RGS7: variants seen among roughly 807,000 people sequenced by gnomAD.
RGS7 encodes the protein regulator of G-protein signaling 7.
A neutral mutation model predicts 81.1 loss-of-function variants in RGS7; 27 were observed. That is an observed-to-expected ratio of 0.33 (90% CI 0.25 to 0.46). The LOEUF is 0.46. RGS7 is among the 20% of genes least tolerant of loss of function. The pLI is 1.00. For synonymous variants in RGS7, 208 were observed against 207.7 expected (o/e 1.00, Z -0.01); for missense variants, 396 against 607.4 (o/e 0.65, Z 3.66).
At chr1:241,005,076 A>G (rs1277862980) in intron 3 of RGS7, among the ~76,000 whole-genome samples, 1 of 152,142 alleles carries the variant, frequency 6.6e-6, no homozygotes, top group Non-Finnish European at 1.5e-5. Context: ...ACACAGACTG[A>G]GAGAGAAGGA....
chr1:240,956,912 TA>T (rs1680529998), intron 4 of RGS7, among the ~76,000 whole-genome samples: 1 of 151,850 alleles, frequency 6.6e-6, no homozygotes, highest in Admixed American at 6.6e-5. Flanking sequence ...AACCAAGTAG[TA>T]CTCCTCAAAA....
chr1:241,005,571 T>G (rs898804068), intron 3 of RGS7, among the ~76,000 whole-genome samples: 1 of 152,218 alleles, frequency 6.6e-6, no homozygotes, highest in African/African-American at 2.4e-5. Flanking sequence ...AGTCTCACAC[T>G]GTCGCCCAGG....
chr1:241,237,087 AGAAG>A (rs1419021693), intron 2 of RGS7, among the ~76,000 whole-genome samples: 1 of 152,222 alleles, frequency 6.6e-6, no homozygotes, highest in African/African-American at 2.4e-5. Context: ...TGCAAGCCAG[AGAAG>A]GAAGAAAAGA....
chr1:241,340,057 C>G (rs2082448311), intron 2 of RGS7, among the ~76,000 whole-genome samples: 1 of 152,168 alleles, frequency 6.6e-6, no homozygotes, highest in Non-Finnish European at 1.5e-5. Flanking sequence ...GTAGATAATT[C>G]TAGTTAATGA....
chr1:241,018,686 T>C (rs2059392920), intron 3 of RGS7, among the ~76,000 whole-genome samples: 1 of 151,986 alleles, frequency 6.6e-6, no homozygotes, highest in Non-Finnish European at 1.5e-5. Flanking sequence ...TCTGCATAAG[T>C]CTCATTTAGT....
At chr1:240,978,317 A>G (rs1684445745) in intron 4 of RGS7, among the ~76,000 whole-genome samples, 1 of 152,230 alleles carries the variant, frequency 6.6e-6, no homozygotes, top group African/African-American at 2.4e-5. Context: ...GTATCTATAT[A>G]TACCTAAAAT....
rs576974948 is a variant in RGS7 at position 240,975,924 on chromosome 1, T to A, written c.226+7155A>T. Among the ~76,000 whole-genome samples the A allele has an allele frequency of 7.9e-5, 12 of 151,612 alleles. 1 individual carries two copies. The highest frequency in any genetic ancestry group is 6.8e-3 in the Middle Eastern group (2 of 294). ...AGTCCTGCGTCTGTGCATTGTATAG[T>A]CCTTCCTTACAGTGGCTTTGGACTT... On this transcript the variant is annotated intron_variant, in intron 4 of 18. Transcript: ENST00000440928.
At chr1:241,179,246 C>T (rs1446205464) in intron 2 of RGS7, among the ~76,000 whole-genome samples, 2 of 152,122 alleles carry the variant, frequency 1.3e-5, no homozygotes, top group African/African-American at 2.4e-5. Context: ...AGGCATGCAC[C>T]ACCATGCCCA....
chr1:240,920,613 T>G (rs1323601618), intron 6 of RGS7: 1 of 1,077,206 alleles, frequency 9.3e-7, no homozygotes, highest in African/African-American at 1.5e-5. Flanking sequence ...AAGATTTTAA[T>G]TAGGAAACAA....
chr1:241,172,944 C>A (rs969700443), intron 2 of RGS7, among the ~76,000 whole-genome samples: 1 of 152,056 alleles, frequency 6.6e-6, no homozygotes, highest in Non-Finnish European at 1.5e-5. Flanking sequence ...ATTTTTGCAA[C>A]AAGAGAAAGC....
chr1:240,899,727 T>G (rs1048601643), intron 6 of RGS7, among the ~76,000 whole-genome samples: 7 of 152,220 alleles, frequency 4.6e-5, no homozygotes, highest in Non-Finnish European at 8.8e-5. Context: ...ATTTTTTTCC[T>G]TCATTTCAAC....
At chr1:241,205,243 A>G (rs61833788) in intron 2 of RGS7, among the ~76,000 whole-genome samples, 2 of 144,556 alleles carry the variant, frequency 1.4e-5, no homozygotes, top group Non-Finnish European at 3.0e-5. Context: ...ACGCCCAGCT[A>G]ATTTTTTTTT....
At chr1:241,129,277 A>T in intron 2 of RGS7, among the ~76,000 whole-genome samples, 2 of 151,552 alleles carry the variant, frequency 1.3e-5, no homozygotes, top group East Asian at 4.0e-4. Flanking sequence ...ACAAAAAAAA[A>T]ACGGAACTCA....
intron 3 of RGS7, among the ~76,000 whole-genome samples, chr1:240,988,174 T>C (rs576359438): frequency 6.6e-6 from 1 of 151,222 alleles, no homozygotes; most frequent in South Asian, 2.1e-4. Context: ...TTTATGGACA[T>C]CTACTCTATA....
intron 2 of RGS7, among the ~76,000 whole-genome samples, chr1:241,205,465 C>CT (rs760185398): frequency 7.6e-4 from 110 of 144,082 alleles, no homozygotes; most frequent in South Asian, 1.1e-3. Context: ...GTAGGATATA[C>CT]TTTTTTTTTT....
chr1:241,040,281 C>T (rs948096490), intron 3 of RGS7, among the ~76,000 whole-genome samples: 2 of 152,176 alleles, frequency 1.3e-5, no homozygotes, highest in African/African-American at 2.4e-5. Context: ...GCTGTAACCA[C>T]TAGACCAAGG....
Position 240,920,279 on chromosome 1 carries a change from T to C in RGS7, c.385+10438A>G. The C allele has an allele frequency of 2.3e-6, 3 of 1,327,274 alleles. No individual in the cohort carries two copies. The South Asian group carries it at 3.5e-5, about 16-fold the overall frequency. 82.2% of individuals were successfully genotyped at this position (1,327,274 alleles called of 1,614,324 possible). A position where few individuals can be genotyped will look rare whatever the true frequency, so the allele number is the denominator to read the frequency against. On this transcript the variant is annotated intron_variant, in intron 6 of 18. Coordinates refer to ENST00000440928, the MANE Select transcript of RGS7 (RefSeq NM_001364886.1). Reference sequence around the variant, plus strand: ...TTGGTGGTGATCGTGGTGGTGGTTTTGGTGGGAATGACAACTTTGGTCGTG... The same window carrying C: ...TTGGTGGTGATCGTGGTGGTGGTTTCGGTGGGAATGACAACTTTGGTCGTG...
chr1:241,006,202 G>T (rs1442038491), intron 3 of RGS7, among the ~76,000 whole-genome samples: 1 of 152,064 alleles, frequency 6.6e-6, no homozygotes, highest in African/African-American at 2.4e-5. Context: ...ATCTTCCCTT[G>T]TCTCTCACTT....
chr1:240,892,917 A>T (rs546345262), intron 6 of RGS7, among the ~76,000 whole-genome samples: 1 of 152,290 alleles, frequency 6.6e-6, no homozygotes, highest in South Asian at 2.1e-4. Flanking sequence ...ATCTGAGTAT[A>T]GATACTTAGT....
Sources: allele counts gnomAD v4.1 joint callset (sites outside exome capture counted in the v4.1 genomes callset), GRCh38; gene constraint gnomAD v4.1.1; transcripts MANE v1.5; gene names NCBI Gene and HGNC (gene_info 2026-07-23, HGNC 2026-07-21).